NRCAM: variants seen among roughly 807,000 people sequenced by gnomAD.
NRCAM encodes the protein neuronal cell adhesion molecule, also known as NgCAM-related cell adhesion molecule.
A neutral mutation model predicts 156.5 loss-of-function variants in NRCAM; 83 were observed. The observed-to-expected ratio is 0.53, with a 90% CI of 0.44 to 0.64. The LOEUF is 0.64. Ranked by LOEUF, NRCAM falls within the 30% of genes least tolerant of loss-of-function variation. The probability of loss-of-function intolerance (pLI) is 0.00; values close to 1 mark genes in which losing one functional copy is unlikely to be tolerated. For synonymous variants in NRCAM, 538 were observed against 563.9 expected (o/e 0.95, Z 0.65); for missense variants, 1,417 against 1,597.3 (o/e 0.89, Z 1.92).
At chr7:108,151,303 C>T (rs966204949) in intron 32 of NRCAM, among the ~76,000 whole-genome samples, 12 of 152,094 alleles carry the variant, frequency 7.9e-5, no homozygotes, top group Non-Finnish European at 1.3e-4. Context: ...GAAACATATA[C>T]ATTTTTACTA....
intron 14 of NRCAM, among the ~76,000 whole-genome samples, chr7:108,196,956 T>C (rs1225198900): frequency 6.6e-6 from 1 of 152,068 alleles, no homozygotes; most frequent in African/African-American, 2.4e-5. Flanking sequence ...TGCCCACCAA[T>C]GAATGAATGG....
chr7:108,331,192 G>A (rs889558815), intron 2 of NRCAM, among the ~76,000 whole-genome samples: 1 of 151,936 alleles, frequency 6.6e-6, no homozygotes, highest in Non-Finnish European at 1.5e-5. Flanking sequence ...TGAGCCCAGG[G>A]GTCCAAGACC....
rs2039814278 is a variant in NRCAM at position 108,148,417 on chromosome 7, A to G, written c.*1493T>C. The G allele has an allele frequency of 6.6e-6, 1 of 152,664 alleles. No individual in the cohort carries two copies. Among genetic ancestry groups the G allele is most frequent in the South Asian group, 2.1e-4 (1 of 4,828 alleles). The allele number at this position is 152,664 out of a possible 1,614,324, so 9.5% of individuals were successfully genotyped here. Reference sequence around the variant, plus strand: ...TATAAAAAGCTTTACTTAAAATTAAACTTGATGCAAGTTATGAGAAACCAA... The same window carrying G: ...TATAAAAAGCTTTACTTAAAATTAAGCTTGATGCAAGTTATGAGAAACCAA... On this transcript the variant is annotated 3_prime_UTR_variant, in exon 33 of 33. Coordinates refer to ENST00000379028, the MANE Select transcript of NRCAM (RefSeq NM_001037132.4).
At chr7:108,247,282 G>C (rs1352176628) in intron 3 of NRCAM, among the ~76,000 whole-genome samples, 1 of 152,170 alleles carries the variant, frequency 6.6e-6, no homozygotes, top group Non-Finnish European at 1.5e-5. Flanking sequence ...ACTGAGATTG[G>C]CTCTTTCTTG....
At chr7:108,264,217 C>G (rs534794712) in intron 3 of NRCAM, among the ~76,000 whole-genome samples, 1 of 152,356 alleles carries the variant, frequency 6.6e-6, no homozygotes, top group African/African-American at 2.4e-5. Context: ...CTCAAATGAT[C>G]TGCCCGCTTT....
chr7:108,306,381 T>C (rs2098715027), intron 3 of NRCAM, among the ~76,000 whole-genome samples: 1 of 152,182 alleles, frequency 6.6e-6, no homozygotes, highest in Admixed American at 6.5e-5. Context: ...TTTTTCTGAA[T>C]AGCACGGATG....
intron 17 of NRCAM, among the ~76,000 whole-genome samples, chr7:108,193,066 A>C (rs1158472642): frequency 6.6e-6 from 1 of 152,170 alleles, no homozygotes; most frequent in African/African-American, 2.4e-5. Context: ...TCTGTCACCC[A>C]GGCTGGAGTG....
chr7:108,184,129 T>TATA lies in NRCAM; in HGVS notation c.2304+111_2304+112insTAT, dbSNP rs1491171489. 7.5e-5 allele frequency: 37 copies of TATA among 493,926 alleles called. No individual in the cohort carries two copies. In the African/African-American group the frequency reaches 1.2e-3, roughly 16 times the overall value. 30.6% of individuals were successfully genotyped at this position (493,926 alleles called of 1,614,324 possible). Reference sequence around the variant, plus strand: ...ATGTATCTTTATATATATATATATATTTTTTTTCCCCAGAAATAGGTGAAA... The same window carrying TATA: ...ATGTATCTTTATATATATATATATATATATTTTTTTCCCCAGAAATAGGTGAAA... On this transcript the variant is annotated intron_variant, in intron 22 of 32. Coordinates refer to ENST00000379028, the MANE Select transcript of NRCAM (RefSeq NM_001037132.4).
chr7:108,410,486 T>C (rs553386118), intron 1 of NRCAM, among the ~76,000 whole-genome samples: 22 of 152,314 alleles, frequency 1.4e-4, no homozygotes, highest in Admixed American at 4.6e-4. Context: ...TACATGAAAC[T>C]CCCTGGGGCA....
At chr7:108,184,789 A>G (rs898298402) in intron 20 of NRCAM, among the ~76,000 whole-genome samples, 175 bp from the exon 21 acceptor site, 4 of 152,142 alleles carry the variant, frequency 2.6e-5, no homozygotes, top group Non-Finnish European at 4.4e-5. Context: ...TATCCTCAAC[A>G]TATAAACACA....
chr7:108,390,901 C>G (rs1246583647), intron 2 of NRCAM, among the ~76,000 whole-genome samples: 1 of 144,766 alleles, frequency 6.9e-6, no homozygotes, highest in Non-Finnish European at 1.5e-5. Flanking sequence ...GTTTCTTAAT[C>G]CTGAGTTCTA....
intron 3 of NRCAM, among the ~76,000 whole-genome samples, chr7:108,295,186 A>T (rs1241036974): frequency 6.6e-6 from 1 of 152,196 alleles, no homozygotes; most frequent in Admixed American, 6.5e-5. Context: ...TTAATTTTAA[A>T]ATGACAACTA....
At chr7:108,195,689 C>T in intron 15 of NRCAM, 72 bp downstream of exon 15, 1 of 840,470 alleles carries the variant, frequency 1.2e-6, no homozygotes, top group South Asian at 1.4e-5. Context: ...TGAATAAAAC[C>T]CAACATATTT....
chr7:108,366,370 C>T (rs2099591712), intron 2 of NRCAM, among the ~76,000 whole-genome samples: 1 of 152,120 alleles, frequency 6.6e-6, no homozygotes, highest in African/African-American at 2.4e-5. Flanking sequence ...TGCAATTGAA[C>T]CACTAATGTA....
At chr7:108,271,702 A>G (rs1000287444) in intron 3 of NRCAM, among the ~76,000 whole-genome samples, 2 of 152,084 alleles carry the variant, frequency 1.3e-5, no homozygotes, top group African/African-American at 4.8e-5. Flanking sequence ...TCAAAAAAAA[A>G]AAAAAGAACC....
chr7:108,428,384 T>C (rs1366300954), intron 1 of NRCAM, among the ~76,000 whole-genome samples: 1 of 152,198 alleles, frequency 6.6e-6, no homozygotes, highest in Non-Finnish European at 1.5e-5. Context: ...TTTTCTTCCA[T>C]GATACATATT....
chr7:108,176,358 A>C, intron 27 of NRCAM, 72 bp downstream of exon 27: 1 of 1,384,778 alleles, frequency 7.2e-7, no homozygotes, highest in East Asian at 2.3e-5. Context: ...GCAAGAAGGA[A>C]AAAGCATAAA....
rs773001621 is a variant in NRCAM at position 108,239,989 on chromosome 7, T to A, written c.76A>T (p.Met26Leu). The A allele has an allele frequency of 1.9e-6, 3 of 1,613,124 alleles. No individual in the cohort carries two copies. Among genetic ancestry groups the A allele is most frequent in the Admixed American group, 3.3e-5 (2 of 59,972 alleles). Residue 26 changes from methionine (M) to leucine (L), a missense_variant, in exon 4 of 33, where the codon ATG becomes TTG. Physicochemically the swap from Met to Leu is conservative, Grantham distance 15. Coordinates refer to ENST00000379028, the MANE Select transcript of NRCAM (RefSeq NM_001037132.4). ...RVPLILFLCQ[M>L]ISALEVPLDP... Reference sequence around the variant, plus strand: ...AGAGGTACTTCCAGTGCACTAATCATCTGGCACAGGAAGAGAATCAGGGGC... The same window carrying A: ...AGAGGTACTTCCAGTGCACTAATCAACTGGCACAGGAAGAGAATCAGGGGC...
rs1459295223 is a variant in NRCAM, at chr7:108,175,050, T to C, written c.3187+272A>G. Among the ~76,000 whole-genome samples, 3 of 152,220 alleles carry C rather than the reference T, an allele frequency of 2.0e-5. No homozygotes were observed. In the East Asian group the frequency reaches 5.8e-4, roughly 29 times the overall value. ...TGACAAATACACAGTTTTGGTCCTG[T>C]CTGATCCAGCCAAAATCATAGTATT... On this transcript the variant is annotated intron_variant, in intron 28 of 32. Transcript: ENST00000379028.
Sources: allele counts gnomAD v4.1 joint callset (sites outside exome capture counted in the v4.1 genomes callset), GRCh38; gene constraint gnomAD v4.1.1; transcripts MANE v1.5; gene names NCBI Gene and HGNC (gene_info 2026-07-23, HGNC 2026-07-21).